Variants in MOCS1 observed in about 807,000 individuals in gnomAD.
The protein encoded by MOCS1 is molybdenum cofactor synthesis 1, also known as molybdenum cofactor biosynthesis protein 1.
A neutral mutation model predicts 57.6 loss-of-function variants in MOCS1; 39 were observed. The observed-to-expected ratio is 0.68, with a 90% confidence interval of 0.52 to 0.88. The LOEUF (loss-of-function observed/expected upper bound fraction) is 0.88. Ranked by LOEUF, MOCS1 falls within the 40% of genes least tolerant of loss-of-function variation. The pLI, the probability that MOCS1 is intolerant of heterozygous loss-of-function variation, is 0.00. For missense variants in MOCS1, 795 were observed against 831.1 expected (o/e 0.96, Z 0.53); for synonymous variants, 334 against 335.7 (o/e 1.00, Z 0.05).
chr6:39,925,923 T>A, intron 2 of MOCS1, 78 bp from the exon 3 acceptor site: 1 of 1,472,802 alleles, frequency 6.8e-7, no homozygotes. Context: ...ACTCCCCAAC[T>A]CTCCATCAGG....
In MOCS1 at chr6:39,905,788, G is replaced by A; in HGVS notation, c.*569C>T. 2.1e-6 allele frequency: 1 copy of A among 471,174 alleles called. No homozygotes were observed. Among genetic ancestry groups the A allele is most frequent in the Non-Finnish European group, 4.4e-6 (1 of 227,076 alleles). 29.2% of individuals were successfully genotyped at this position (471,174 alleles called of 1,614,324 possible). A position where few individuals can be genotyped will look rare whatever the true frequency, so the allele number is the denominator to read the frequency against. ...AGCTGAAAGGCTGCAAGTCTGATGGGACACAGACTTGGGCAGAAGGAGAGA... is the reference window on the plus strand; with the variant it reads ...AGCTGAAAGGCTGCAAGTCTGATGGAACACAGACTTGGGCAGAAGGAGAGA... On this transcript the variant is annotated 3_prime_UTR_variant, in exon 11 of 11. Coordinates refer to ENST00000340692, the MANE Select transcript of MOCS1 (RefSeq NM_001358530.2).
At chr6:39,915,851 G>C (rs552077126) in intron 4 of MOCS1, among the ~76,000 whole-genome samples, 1 of 152,158 alleles carries the variant, frequency 6.6e-6, no homozygotes, top group Non-Finnish European at 1.5e-5. Flanking sequence ...GGGCTGGGGT[G>C]GTGGGGAGGT....
intron 2 of MOCS1, among the ~76,000 whole-genome samples, chr6:39,926,565 G>C (rs372262900): frequency 1.3e-5 from 2 of 150,804 alleles, no homozygotes; most frequent in African/African-American, 4.9e-5. Flanking sequence ...TCCAGAACCA[G>C]TCCTTTGAGA....
intron 1 of MOCS1, 100 bp downstream of exon 1, chr6:39,934,195 G>A (rs1267374101): frequency 2.1e-6 from 3 of 1,409,928 alleles, no homozygotes; most frequent in South Asian, 1.5e-5. Context: ...CCTCCCAGAA[G>A]CGGTCAAGCA....
intron 3 of MOCS1, among the ~76,000 whole-genome samples, chr6:39,918,369 T>A (rs1035309876): frequency 1.3e-5 from 2 of 152,232 alleles, no homozygotes; most frequent in African/African-American, 4.8e-5. Context: ...TAGGGGTGCA[T>A]GGGAATGCAC....
In MOCS1 at chr6:39,913,421, C is replaced by G. The variant is rs1431104658; in HGVS notation, c.653G>C (p.Cys218Ser). Residue 218 changes from cysteine (C) to serine (S), a missense_variant, in exon 6 of 11, where the codon TGT becomes TCT. Cys to Ser is a moderately radical substitution (Grantham distance 112). This residue lies in a region of MOCS1 where 416 missense variants were observed against 392.4 expected (regional missense o/e 1.06). Coordinates refer to ENST00000340692, the MANE Select transcript of MOCS1 (RefSeq NM_001358530.2). The part of the protein sequence containing the change: ...ELGYNPVKVN[C>S]VVMRGLNEDE... ...CTCGTTAAGGCCTCGCATCACCACACAGTTCACCTGGCCGGGGAACAATGG... is the reference window on the plus strand; with the variant it reads ...CTCGTTAAGGCCTCGCATCACCACAGAGTTCACCTGGCCGGGGAACAATGG... 1.2e-6 allele frequency: 2 copies of G among 1,614,038 alleles called. No individual in the cohort carries two copies. Among genetic ancestry groups the G allele is most frequent in the African/African-American group, 1.3e-5 (1 of 74,952 alleles).
At chr6:39,908,781 G>A (rs1318838583) in intron 10 of MOCS1, among the ~76,000 whole-genome samples, 1 of 152,134 alleles carries the variant, frequency 6.6e-6, no homozygotes, top group Non-Finnish European at 1.5e-5. Flanking sequence ...CTAACTTAGT[G>A]ATCATTAAAT....
intron 3 of MOCS1, 109 bp from the exon 4 acceptor site, chr6:39,916,341 GCT>G: frequency 7.5e-7 from 1 of 1,328,752 alleles, no homozygotes; most frequent in South Asian, 1.3e-5. Flanking sequence ...TGGAAAAGAG[GCT>G]CTCTGCAGAC....
At chr6:39,926,797 A>G (rs3008821) in intron 2 of MOCS1, among the ~76,000 whole-genome samples, 37,233 of 126,092 alleles carry the variant, frequency 0.3, 6,480 homozygotes, top group South Asian at 0.44. Flanking sequence ...GAGGGGAAGG[A>G]AGATCAACTT....
chr6:39,921,404 A>G (rs1239355846), intron 3 of MOCS1, among the ~76,000 whole-genome samples: 1 of 152,192 alleles, frequency 6.6e-6, no homozygotes, highest in Non-Finnish European at 1.5e-5. Flanking sequence ...GTCTAAAAAA[A>G]AAAAAAAACT....
intron 1 of MOCS1, among the ~76,000 whole-genome samples, chr6:39,931,099 G>A (rs1000837037): frequency 6.6e-6 from 1 of 152,194 alleles, no homozygotes; most frequent in Non-Finnish European, 1.5e-5. Context: ...CCACCCAAGT[G>A]GGGTCTGAGC....
At chr6:39,913,929 G>C (rs1192334375) in intron 4 of MOCS1, 94 bp from the exon 5 acceptor site, 4 of 1,300,240 alleles carry the variant, frequency 3.1e-6, no homozygotes, top group Non-Finnish European at 4.4e-6. Context: ...CTAGTCTGGA[G>C]ATTGGCAAAC....
In MOCS1 at chr6:39,905,070, G is replaced by GTTGT. The variant is rs746167782; in HGVS notation, c.*1283_*1286dup. 2.6e-5 allele frequency: 12 copies of GTTGT among 454,258 alleles called. No individual in the cohort carries two copies. The highest frequency in any genetic ancestry group is 6.7e-4 in the Middle Eastern group (1 of 1,488). The allele number at this position is 454,258 out of a possible 1,614,324, so 28.1% of individuals were successfully genotyped here. ...ACAAATTGTCTTTTCCAGAGAGCTG[G>GTTGT]TTGTTTAATATTTGCCAGCACACCT... is the stretch of plus-strand genomic sequence containing the variant. On this transcript the variant is annotated 3_prime_UTR_variant, in exon 11 of 11. Transcript: ENST00000340692.
In MOCS1 at chr6:39,906,074, C is replaced by CAGTT. The variant is rs1766895571; in HGVS notation, c.*279_*282dup. The CAGTT allele has an allele frequency of 1.6e-6, 1 of 637,694 alleles. No homozygotes were observed. Among genetic ancestry groups the CAGTT allele is most frequent in the Non-Finnish European group, 2.9e-6 (1 of 345,726 alleles). The allele number at this position is 637,694 out of a possible 1,614,324, so 39.5% of individuals were successfully genotyped here. A position where few individuals can be genotyped will look rare whatever the true frequency, so the allele number is the denominator to read the frequency against. On this transcript the variant is annotated 3_prime_UTR_variant, in exon 11 of 11. Transcript: ENST00000340692. ...ATAGTCCACAAAGAACATGATTTCT[C>CAGTT]AGTTATCTGGCATTGCTTGTTGCAG...
At position 39,925,698 on chromosome 6, in the gene MOCS1, G is replaced by C. The variant is rs139431867; in HGVS notation, c.398C>G (p.Pro133Arg). ...RLTGGEPLIR[P>R]DVVDIVAQLQ... The stretch of plus-strand genomic sequence containing the variant: ...CTCACCCACAATGTCCACCACGTCC[G>C]GCCGGATAAGCGGCTCTCCACCTGT... Residue 133 changes from proline to arginine, a missense_variant, in exon 3 of 11, where the codon CCG becomes CGG. Physicochemically the swap from Pro to Arg is moderately radical, Grantham distance 103. This residue lies in a region of MOCS1 where 416 missense variants were observed against 392.4 expected (regional missense o/e 1.06). Coordinates refer to ENST00000340692, the MANE Select transcript of MOCS1 (RefSeq NM_001358530.2). 6.2e-7 allele frequency: 1 copy of C among 1,612,830 alleles called. No individual in the cohort carries two copies. The highest frequency in any genetic ancestry group is 8.5e-7 in the Non-Finnish European group (1 of 1,179,984).
intron 10 of MOCS1, among the ~76,000 whole-genome samples, chr6:39,908,219 C>T (rs1489229882): frequency 1.4e-4 from 21 of 152,226 alleles, no homozygotes; most frequent in Admixed American, 1.2e-3. Context: ...CACTGAGTTC[C>T]CTCTGCTCTA....
At chr6:39,928,547 G>C (rs1432007731) in intron 1 of MOCS1, among the ~76,000 whole-genome samples, 1 of 152,138 alleles carries the variant, frequency 6.6e-6, no homozygotes, top group Non-Finnish European at 1.5e-5. Flanking sequence ...GTGGGTAGAA[G>C]TCACTTCTCT....
At chr6:39,924,802 G>T (rs1431359133) in intron 3 of MOCS1, among the ~76,000 whole-genome samples, 1 of 152,136 alleles carries the variant, frequency 6.6e-6, no homozygotes, top group African/African-American at 2.4e-5. Flanking sequence ...ACCATGGCAG[G>T]ATGCAGTGGC....
chr6:39,928,400 G>A (rs1207643814), intron 1 of MOCS1, among the ~76,000 whole-genome samples: 1 of 152,064 alleles, frequency 6.6e-6, no homozygotes, highest in Non-Finnish European at 1.5e-5. Context: ...TCCTGACCTC[G>A]TGATCCACCT....
Sources: allele counts gnomAD v4.1 joint callset (sites outside exome capture counted in the v4.1 genomes callset), GRCh38; gene constraint gnomAD v4.1.1; regional missense constraint gnomAD v4.1.1; transcripts MANE v1.5; gene names NCBI Gene and HGNC (gene_info 2026-07-23, HGNC 2026-07-21).